The following NAALADL2 variants were observed in gnomAD, a reference collection of about 807,000 sequenced individuals.
The protein encoded by NAALADL2 is inactive N-acetylated-alpha-linked acidic dipeptidase-like protein 2.
Under a neutral mutation model 87.2 loss-of-function variants are expected in NAALADL2, and 76 were observed. That is an observed-to-expected ratio of 0.87 (90% CI 0.72 to 1.05). The LOEUF (loss-of-function observed/expected upper bound fraction) is 1.05, where lower values mean the gene tolerates loss of function less well. Ranked by LOEUF, NAALADL2 falls within the 50% of genes least tolerant of loss-of-function variation. The pLI, the probability that NAALADL2 is intolerant of heterozygous loss-of-function variation, is 0.00. For missense variants in NAALADL2, 1,089 were observed against 945.8 expected, an observed-to-expected ratio of 1.15 and a Z score of -1.99; for synonymous variants, 354 against 331.0, an observed-to-expected ratio of 1.07 and a Z score of -0.75.
chr3:174,928,477 G>T (rs996324773), intron 1 of NAALADL2, among the ~76,000 whole-genome samples: 1 of 151,982 alleles, frequency 6.6e-6, no homozygotes, highest in African/African-American at 2.4e-5. Flanking sequence ...CCTGACCTCT[G>T]GATTCACCCG....
chr3:175,415,768 G>T (rs1714510191), intron 5 of NAALADL2, among the ~76,000 whole-genome samples: 1 of 151,542 alleles, frequency 6.6e-6, no homozygotes, highest in Admixed American at 6.6e-5. Context: ...CTTCTAGCAG[G>T]CTAGATATTA....
intron 4 of NAALADL2, among the ~76,000 whole-genome samples, chr3:175,316,803 A>T (rs1348589890): frequency 6.6e-6 from 1 of 152,218 alleles, no homozygotes; most frequent in Non-Finnish European, 1.5e-5. Context: ...TTAACAATAC[A>T]GAGGAACACT....
Position 175,234,181 on chromosome 3 carries a change from T to C in NAALADL2, c.796T>C (p.Tyr266His). Residue 266 changes from tyrosine to histidine, a missense_variant, in exon 3 of 14, where the codon TAT (tyrosine) becomes CAT (histidine). Physicochemically the swap from Tyr to His is moderately conservative, Grantham distance 83 (BLOSUM62 2). Transcript: ENST00000454872. ...SQDLLYSYAA[Y>H]SAKGTLKAEV... Reference sequence around the variant, plus strand: ...AGACCTGCTCTATTCATATGCAGCCTATTCTGCCAAAGGAACTCTCAAGGT... The same window carrying C: ...AGACCTGCTCTATTCATATGCAGCCCATTCTGCCAAAGGAACTCTCAAGGT... 6.2e-7 allele frequency: 1 copy of C among 1,613,712 alleles called. No homozygotes were observed. Among genetic ancestry groups the C allele is most frequent in the Middle Eastern group, 1.7e-4 (1 of 6,052 alleles).
chr3:175,504,718 A>G (rs1031215424), intron 9 of NAALADL2, among the ~76,000 whole-genome samples: 1 of 151,976 alleles, frequency 6.6e-6, no homozygotes, highest in Non-Finnish European at 1.5e-5. Context: ...TAATCTACTC[A>G]GTTTATGAAA....
intron 5 of NAALADL2, among the ~76,000 whole-genome samples, chr3:175,391,663 C>T (rs912296382): frequency 1.3e-5 from 2 of 151,994 alleles, no homozygotes; most frequent in East Asian, 1.9e-4. Context: ...GAATTCTTGA[C>T]CTAAAGAAAC....
chr3:174,558,253 T>A lies in NAALADL2; in HGVS notation c.-115+7616T>A, dbSNP rs966158691. Among the ~76,000 whole-genome samples, 52 of 152,138 alleles carry A rather than the reference T, an allele frequency of 3.4e-4. 1 individual carries two copies. Among genetic ancestry groups the A allele is most frequent in the African/African-American group, 1.2e-3 (48 of 41,432 alleles). Reference sequence around the variant, plus strand: ...GTAATTCTTTCCTGCAGTCTCCTAATTTCTACTGCGCTTGTTTCCTCTAGC... The same window carrying A: ...GTAATTCTTTCCTGCAGTCTCCTAAATTCTACTGCGCTTGTTTCCTCTAGC... On this transcript the variant is annotated intron_variant, in intron 2 of 3. Coordinates refer to the NAALADL2 transcript ENST00000434257.
chr3:175,556,055 A>G (rs1415897586), intron 9 of NAALADL2, among the ~76,000 whole-genome samples: 1 of 152,172 alleles, frequency 6.6e-6, no homozygotes, highest in Non-Finnish European at 1.5e-5. Context: ...AGCTAAGGGC[A>G]TCGTCTCTGG....
At chr3:175,268,292 A>C (rs530798491) in intron 4 of NAALADL2, among the ~76,000 whole-genome samples, 2 of 152,270 alleles carry the variant, frequency 1.3e-5, no homozygotes, top group African/African-American at 4.8e-5. Flanking sequence ...GTGTATCTAA[A>C]CATCTCTAAA....
At chr3:175,795,501 G>A (rs951146778) in intron 13 of NAALADL2, among the ~76,000 whole-genome samples, 18 of 146,752 alleles carry the variant, frequency 1.2e-4, no homozygotes, top group East Asian at 2.0e-4. Context: ...GTGAAACCCC[G>A]TCTCTACTAA....
chr3:175,535,881 G>T (rs2149455814), intron 9 of NAALADL2, among the ~76,000 whole-genome samples: 1 of 152,216 alleles, frequency 6.6e-6, no homozygotes, highest in South Asian at 2.1e-4. Context: ...TAAGTGCTTT[G>T]TATATAGTAT....
chr3:174,577,509 T>A (rs1043961392), intron 2 of NAALADL2, among the ~76,000 whole-genome samples: 2 of 152,166 alleles, frequency 1.3e-5, no homozygotes, highest in African/African-American at 4.8e-5. Flanking sequence ...ATAAGAAATG[T>A]GTAAATTCTG....
intron 2 of NAALADL2, among the ~76,000 whole-genome samples, chr3:174,656,124 C>G (rs1484197300): frequency 6.6e-6 from 1 of 152,128 alleles, no homozygotes; most frequent in African/African-American, 2.4e-5. Context: ...AGTAACTGAG[C>G]AAACATTTTA....
chr3:174,497,382 T>G (rs2108361568), intron 1 of NAALADL2, among the ~76,000 whole-genome samples: 1 of 152,204 alleles, frequency 6.6e-6, no homozygotes, highest in South Asian at 2.1e-4. Context: ...ATTCCAGCAC[T>G]TTGGGAGGCC....
chr3:174,556,021 G>T (rs1204852444), intron 2 of NAALADL2, among the ~76,000 whole-genome samples: 1 of 151,708 alleles, frequency 6.6e-6, no homozygotes, highest in African/African-American at 2.4e-5. Flanking sequence ...GCGCACGTGA[G>T]TGTGTTTCTT....
At chr3:175,447,934 C>T (rs961565195) in intron 6 of NAALADL2, among the ~76,000 whole-genome samples, 2 of 152,182 alleles carry the variant, frequency 1.3e-5, no homozygotes, top group Non-Finnish European at 2.9e-5. Context: ...TGGGCTGCAT[C>T]TTGTTCCTGC....
chr3:175,547,668 A>G (rs975895198), intron 9 of NAALADL2, among the ~76,000 whole-genome samples: 1 of 152,182 alleles, frequency 6.6e-6, no homozygotes, highest in Non-Finnish European at 1.5e-5. Context: ...CTTCTGACAA[A>G]GTTCTAATAT....
At chr3:175,484,841 C>G (rs1308651144) in intron 9 of NAALADL2, among the ~76,000 whole-genome samples, 3 of 152,210 alleles carry the variant, frequency 2.0e-5, no homozygotes, top group East Asian at 3.9e-4. Context: ...GAAGTGAAAG[C>G]TTGACTATGT....
intron 3 of NAALADL2, among the ~76,000 whole-genome samples, chr3:174,796,050 C>T (rs1578964023): frequency 1.3e-5 from 2 of 152,170 alleles, no homozygotes; most frequent in East Asian, 3.9e-4. Flanking sequence ...TAATTAAGAT[C>T]AATCAGGTCA....
At chr3:174,851,635 A>G (rs1678835407) in intron 3 of NAALADL2, among the ~76,000 whole-genome samples, 1 of 152,076 alleles carries the variant, frequency 6.6e-6, no homozygotes, top group South Asian at 2.1e-4. Context: ...AAAGCCTCCT[A>G]TCAAAGAAAA....
Sources: gnomAD v4.1 joint callset for allele counts (sites outside exome capture counted in the v4.1 genomes callset) on GRCh38, gnomAD v4.1.1 for gene constraint, MANE v1.5 for transcripts, NCBI Gene and HGNC (gene_info 2026-07-23, HGNC 2026-07-21) for gene names.